The following PRH1 variants were observed in gnomAD, a reference collection of about 807,000 sequenced individuals.
PRH1 encodes the protein salivary acidic proline-rich phosphoprotein 1/2.
Under a neutral mutation model 7.9 loss-of-function variants are expected in PRH1, and 7 were observed. That is an observed-to-expected ratio of 0.89 (90% CI 0.50 to 1.67). PRH1 has a LOEUF of 1.67. PRH1 is among the 40% of genes most tolerant of loss of function. The pLI is 0.00. For missense variants in PRH1, 109 were observed against 223.6 expected, an observed-to-expected ratio of 0.49 and a Z score of 3.27; for synonymous variants, 45 against 80.8, an observed-to-expected ratio of 0.56 and a Z score of 2.38.
chr12:11,088,186 C>A (rs9803094), intron 1 of PRH1, among the ~76,000 whole-genome samples: 17,327 of 97,980 alleles, frequency 0.18, no homozygotes, highest in East Asian at 0.43. Flanking sequence ...ACAGAAAATA[C>A]AAAAATTAGC....
chr12:11,030,129 A>G (rs74979038), intron 1 of PRH1, among the ~76,000 whole-genome samples: 55 of 17,586 alleles, frequency 3.1e-3, no homozygotes, highest in East Asian at 0.019. Context: ...AAATTCTAAG[A>G]AATTTTTGTC....
chr12:11,134,011 T>C, intron 1 of PRH1: 2 of 1,614,118 alleles, frequency 1.2e-6, no homozygotes, highest in Admixed American at 1.7e-5. Context: ...TTCTTACTTC[T>C]ACACTATAAA....
chr12:10,932,319 A>T (rs1950225726), intron 2 of PRH1: 3 of 355,804 alleles, frequency 8.4e-6, no homozygotes, highest in Admixed American at 2.5e-5. Context: ...ATCAGCTTGC[A>T]ATTTCTGATT....
intron 1 of PRH1, among the ~76,000 whole-genome samples, chr12:11,015,653 T>C (rs886730681): frequency 6.6e-6 from 1 of 152,146 alleles, no homozygotes; most frequent in African/African-American, 2.4e-5. Flanking sequence ...ATTTTCTTTT[T>C]GTGTGTGTGT....
At chr12:10,889,180 T>C (rs1949536138), upstream of PRH1, among the ~76,000 whole-genome samples, 1 of 152,246 alleles carries the variant, frequency 6.6e-6, no homozygotes, top group South Asian at 2.1e-4. Context: ...TTGGCTATTA[T>C]TTAAAGATAG....
downstream of PRH1, among the ~76,000 whole-genome samples, chr12:11,118,497 T>C (rs201886871): frequency 1.2e-5 from 1 of 80,386 alleles, no homozygotes; most frequent in African/African-American, 2.9e-5. Flanking sequence ...AAAACCACTA[T>C]GGAAAACAGT....
chr12:10,978,500 T>C (rs911082066), intron 1 of PRH1, among the ~76,000 whole-genome samples: 1 of 152,190 alleles, frequency 6.6e-6, no homozygotes, highest in East Asian at 1.9e-4. Context: ...AATACCTTTC[T>C]GGACATAGGA....
chr12:11,062,015 A>G (rs1480846285), intron 1 of PRH1: 1 of 1,613,824 alleles, frequency 6.2e-7, no homozygotes, highest in Non-Finnish European at 8.5e-7. Context: ...CAGTTGCTGA[A>G]ATGGTTGATT....
chr12:10,973,008 A>T (rs1206134478), intron 2 of PRH1, among the ~76,000 whole-genome samples: 1 of 150,314 alleles, frequency 6.7e-6, no homozygotes, highest in Non-Finnish European at 1.5e-5. Flanking sequence ...ATGAAGAATA[A>T]ATTTCAGGGA....
At chr12:11,092,241 CAA>C in intron 1 of PRH1, 3 of 1,265,482 alleles carry the variant, frequency 2.4e-6, no homozygotes, top group Non-Finnish European at 3.4e-6. Context: ...TCTGAACAGA[CAA>C]AAAAAATTTT....
intron 1 of PRH1, among the ~76,000 whole-genome samples, chr12:11,130,669 G>A (rs1261846493): frequency 6.6e-6 from 1 of 152,162 alleles, no homozygotes. Context: ...CAAGCCTGTA[G>A]GAGAGGGGAG....
At chr12:11,125,253 TTC>T (rs2136336128) in intron 1 of PRH1, among the ~76,000 whole-genome samples, 1 of 152,422 alleles carries the variant, frequency 6.6e-6, no homozygotes, top group South Asian at 2.1e-4. Context: ...GCTATTTTTT[TTC>T]TTTTACCACA....
At chr12:10,907,858 T>C (rs1949828423) in intron 2 of PRH1, 1 of 151,554 alleles carries the variant, frequency 6.6e-6, no homozygotes, top group African/African-American at 2.4e-5. Flanking sequence ...TATCTTTTTA[T>C]GTGGCAGTTA....
chr12:11,099,677 A>G (rs1945175905), intron 1 of PRH1, among the ~76,000 whole-genome samples: 2 of 152,164 alleles, frequency 1.3e-5, no homozygotes, highest in South Asian at 4.1e-4. Flanking sequence ...AGCCTGGGCA[A>G]CAGAGTGAGA....
intron 1 of PRH1, among the ~76,000 whole-genome samples, chr12:11,148,027 G>A (rs1946924487): frequency 6.9e-6 from 1 of 145,514 alleles, no homozygotes; most frequent in Non-Finnish European, 1.5e-5. Context: ...GGACTCCTAG[G>A]TATTTTATTC....
intron 2 of PRH1, among the ~76,000 whole-genome samples, chr12:10,897,521 G>A (rs1313151439): frequency 1.3e-5 from 2 of 152,152 alleles, no homozygotes; most frequent in Non-Finnish European, 2.9e-5. Flanking sequence ...GTCTATTCTT[G>A]CATTGCTATA....
chr12:11,161,464 T>A (rs546739449), intron 1 of PRH1, among the ~76,000 whole-genome samples: 1 of 152,286 alleles, frequency 6.6e-6, no homozygotes, highest in South Asian at 2.1e-4. Flanking sequence ...TTAAAAACAT[T>A]ATATGCAATA....
At chr12:10,961,651 A>G (rs947066744) in intron 2 of PRH1, among the ~76,000 whole-genome samples, 2 of 152,134 alleles carry the variant, frequency 1.3e-5, no homozygotes, top group Admixed American at 6.5e-5. Context: ...ATGGAACACC[A>G]CACTGTGGGC....
upstream of PRH1, among the ~76,000 whole-genome samples, chr12:10,887,296 G>A (rs1342321784): frequency 1.3e-5 from 2 of 152,114 alleles, no homozygotes; most frequent in African/African-American, 4.8e-5. Flanking sequence ...TGGTCTGGCA[G>A]TGTTATGAAT....
Sources: allele counts gnomAD v4.1 joint callset (sites outside exome capture counted in the v4.1 genomes callset), GRCh38; gene constraint gnomAD v4.1.1; transcripts MANE v1.5; gene names NCBI Gene and HGNC (gene_info 2026-07-23, HGNC 2026-07-21).